Variants in GAREM1 observed in about 807,000 individuals in gnomAD.
GAREM1 encodes the protein GRB2 associated regulator of MAPK1 subtype 1.
Under a neutral mutation model 71.3 loss-of-function variants are expected in GAREM1, and 26 were observed. The ratio of observed to expected loss-of-function variants is 0.36; its 90% CI spans 0.27 to 0.51. GAREM1 has a LOEUF of 0.51. GAREM1 is among the 20% of genes least tolerant of loss of function. The pLI, the probability that GAREM1 is intolerant of heterozygous loss-of-function variation, is 0.95. For synonymous variants in GAREM1, 440 were observed against 433.2 expected (o/e 1.02, Z -0.20); for missense variants, 1,026 against 1,103.1 (o/e 0.93, Z 0.99).
chr18:32,418,157 A>G (rs1021662376), intron 1 of GAREM1, among the ~76,000 whole-genome samples: 1 of 152,236 alleles, frequency 6.6e-6, no homozygotes, highest in Non-Finnish European at 1.5e-5. Flanking sequence ...GAAAGTAGAT[A>G]AAGTGTCTAA....
chr18:32,459,994 A>T (rs1169681843), intron 1 of GAREM1, among the ~76,000 whole-genome samples: 2 of 152,132 alleles, frequency 1.3e-5, no homozygotes, highest in Non-Finnish European at 2.9e-5. Flanking sequence ...AAATTTCAAA[A>T]ATAAACATTT....
intron 1 of GAREM1, among the ~76,000 whole-genome samples, chr18:32,460,504 G>A (rs1416248816): frequency 6.6e-6 from 1 of 152,182 alleles, no homozygotes; most frequent in Non-Finnish European, 1.5e-5. Context: ...GAACTGGAAA[G>A]GAGCTTGGGA....
chr18:32,305,136 GA>G (rs113496311), intron 3 of GAREM1, among the ~76,000 whole-genome samples: 1 of 151,104 alleles, frequency 6.6e-6, no homozygotes, highest in East Asian at 1.9e-4. Context: ...GATGGATAAA[GA>G]AAAAAAAAGT....
intron 1 of GAREM1, among the ~76,000 whole-genome samples, chr18:32,459,176 T>C (rs1307995784): frequency 1.3e-5 from 2 of 152,182 alleles, no homozygotes; most frequent in Non-Finnish European, 2.9e-5. Context: ...AAATGTATTT[T>C]TGATTTACAT....
chr18:32,341,077 C>T (rs961661462), intron 2 of GAREM1, among the ~76,000 whole-genome samples: 15 of 152,108 alleles, frequency 9.9e-5, no homozygotes, highest in African/African-American at 3.4e-4. Flanking sequence ...GTGCTGCACC[C>T]ATTAACTTGT....
chr18:32,282,699 G>A (rs73956857), intron 4 of GAREM1, among the ~76,000 whole-genome samples: 376 of 152,166 alleles, frequency 2.5e-3, no homozygotes, highest in African/African-American at 8.0e-3. Context: ...TGTGAGCCAC[G>A]GTGCCAGGCT....
intron 2 of GAREM1, among the ~76,000 whole-genome samples, chr18:32,332,757 C>G (rs1014737949): frequency 6.6e-6 from 1 of 152,176 alleles, no homozygotes; most frequent in African/African-American, 2.4e-5. Context: ...GAGAAGAGTT[C>G]AGTGCAGTGC....
At chr18:32,305,967 G>A (rs1039865606) in intron 3 of GAREM1, among the ~76,000 whole-genome samples, 7 of 152,142 alleles carry the variant, frequency 4.6e-5, no homozygotes, top group East Asian at 3.9e-4. Context: ...TACCTGCATC[G>A]AGGGAGCCGA....
intron 1 of GAREM1, among the ~76,000 whole-genome samples, chr18:32,439,813 C>T (rs2048716404): frequency 6.6e-6 from 1 of 152,108 alleles, no homozygotes; most frequent in East Asian, 1.9e-4. Context: ...CCACCAACTT[C>T]CATTCTGACA....
chr18:32,359,326 ATATCT>A (rs1445985212), intron 2 of GAREM1, among the ~76,000 whole-genome samples: 2 of 152,074 alleles, frequency 1.3e-5, no homozygotes, highest in Non-Finnish European at 2.9e-5. Flanking sequence ...AATGACTTGT[ATATCT>A]TATCTACTGA....
intron 3 of GAREM1, among the ~76,000 whole-genome samples, chr18:32,309,331 C>G (rs915240496): frequency 1.3e-5 from 2 of 149,092 alleles, no homozygotes; most frequent in African/African-American, 5.0e-5. Flanking sequence ...GAATGCAGAA[C>G]AAGGCCAGAC....
chr18:32,343,255 C>A (rs547309674), intron 2 of GAREM1, among the ~76,000 whole-genome samples: 45 of 151,208 alleles, frequency 3.0e-4, no homozygotes, highest in African/African-American at 1.0e-3. Context: ...GAAAAAGCAC[C>A]GTCACTGAGA....
At chr18:32,397,034 G>C (rs2048264379) in intron 1 of GAREM1, among the ~76,000 whole-genome samples, 1 of 152,128 alleles carries the variant, frequency 6.6e-6, no homozygotes, top group Admixed American at 6.5e-5. Flanking sequence ...TTTCAACCCA[G>C]AATTTCATAT....
At chr18:32,379,017 T>C (rs775270504) in intron 2 of GAREM1, among the ~76,000 whole-genome samples, 1 of 152,114 alleles carries the variant, frequency 6.6e-6, no homozygotes, top group Non-Finnish European at 1.5e-5. Context: ...GTACGTTGAG[T>C]GCTTAGCTCT....
chr18:32,376,762 C>T (rs1049782255), intron 2 of GAREM1, among the ~76,000 whole-genome samples: 2 of 152,144 alleles, frequency 1.3e-5, no homozygotes, highest in East Asian at 1.9e-4. Context: ...CGCTTGAACC[C>T]GGGAGGCGGA....
intron 4 of GAREM1, among the ~76,000 whole-genome samples, chr18:32,275,091 G>T (rs1013906048): frequency 6.6e-6 from 1 of 152,016 alleles, no homozygotes; most frequent in Admixed American, 6.6e-5. Flanking sequence ...TCAATCTAGG[G>T]GAAAAAAAGG....
intron 4 of GAREM1, among the ~76,000 whole-genome samples, chr18:32,276,367 C>T (rs1370111646): frequency 1.3e-5 from 2 of 152,158 alleles, no homozygotes; most frequent in Non-Finnish European, 2.9e-5. Flanking sequence ...TTCCACTTTG[C>T]TATTTGTTCA....
At chr18:32,280,907 C>A (rs1379909961) in intron 4 of GAREM1, among the ~76,000 whole-genome samples, 2 of 152,010 alleles carry the variant, frequency 1.3e-5, no homozygotes, top group Non-Finnish European at 2.9e-5. Context: ...GACTTATGTA[C>A]CTGGAAAGTG....
intron 2 of GAREM1, among the ~76,000 whole-genome samples, chr18:32,353,587 T>C (rs569099554): frequency 3.3e-5 from 5 of 152,340 alleles, no homozygotes; most frequent in African/African-American, 1.2e-4. Context: ...CTGAGTTACA[T>C]TAGGTAAAAG....
Sources: gnomAD v4.1 joint callset for allele counts (sites outside exome capture counted in the v4.1 genomes callset) on GRCh38, gnomAD v4.1.1 for gene constraint, MANE v1.5 for transcripts, NCBI Gene and HGNC (gene_info 2026-07-23, HGNC 2026-07-21) for gene names.